The following ZBTB7C variants were observed in gnomAD, a reference collection of about 807,000 sequenced individuals.
ZBTB7C encodes the protein zinc finger and BTB domain containing 7C, also known as zinc finger and BTB domain-containing protein 7C.
A neutral mutation model predicts 25.7 loss-of-function variants in ZBTB7C; 8 were observed. The observed-to-expected ratio is 0.31, with a 90% CI of 0.18 to 0.56. The LOEUF (loss-of-function observed/expected upper bound fraction) is 0.56, where lower values mean the gene tolerates loss of function less well. Ranked by LOEUF, ZBTB7C falls within the 20% of genes least tolerant of loss-of-function variation. The pLI, the probability that ZBTB7C is intolerant of heterozygous loss-of-function variation, is 0.91. For synonymous variants in ZBTB7C, 394 were observed against 369.0 expected (o/e 1.07, Z -0.78); for missense variants, 824 against 855.2 (o/e 0.96, Z 0.46).
intron 3 of ZBTB7C, among the ~76,000 whole-genome samples, chr18:48,117,996 T>G (rs2039499750): frequency 6.8e-6 from 1 of 147,794 alleles, no homozygotes; most frequent in Non-Finnish European, 1.5e-5. Context: ...TTTCTTCTTC[T>G]TCTTCTTTTT....
At chr18:48,241,816 C>A (rs771602917) in intron 2 of ZBTB7C, among the ~76,000 whole-genome samples, 5 of 151,786 alleles carry the variant, frequency 3.3e-5, no homozygotes, top group African/African-American at 4.8e-5. Flanking sequence ...CAAGAAGAAA[C>A]CAAACCCAAA....
intron 2 of ZBTB7C, among the ~76,000 whole-genome samples, chr18:48,305,217 T>TTTGAAATC (rs1233061862): frequency 6.6e-6 from 1 of 152,212 alleles, no homozygotes; most frequent in Non-Finnish European, 1.5e-5. Context: ...TGGGGAACAA[T>TTTGAAATC]TTGAAATCCG....
chr18:48,406,160 C>T (rs2048276630), intron 1 of ZBTB7C, among the ~76,000 whole-genome samples: 1 of 152,162 alleles, frequency 6.6e-6, no homozygotes, highest in African/African-American at 2.4e-5. Flanking sequence ...CAGCCTCAGC[C>T]AGCTGGTCCT....
chr18:48,192,544 A>G (rs2145165351), intron 2 of ZBTB7C, among the ~76,000 whole-genome samples: 1 of 152,334 alleles, frequency 6.6e-6, no homozygotes, highest in Non-Finnish European at 1.5e-5. Context: ...GCTCACTGCA[A>G]CCACCATCTC....
chr18:48,372,708 T>G (rs537631087), intron 1 of ZBTB7C, among the ~76,000 whole-genome samples: 2 of 152,238 alleles, frequency 1.3e-5, no homozygotes, highest in South Asian at 4.2e-4. Flanking sequence ...CTGCCCAGCC[T>G]CCCTCTCTGG....
At chr18:48,034,232 A>C (rs2035875570) in intron 4 of ZBTB7C, among the ~76,000 whole-genome samples, 1 of 151,808 alleles carries the variant, frequency 6.6e-6, no homozygotes, top group Non-Finnish European at 1.5e-5. Flanking sequence ...TGGGCTCTTC[A>C]CAAGCTCACT....
intron 1 of ZBTB7C, 29 bp downstream of exon 1, chr18:48,409,177 TCGCGACCCCGGCAGCCGGCG>T (rs937119633): frequency 6.9e-6 from 1 of 144,978 alleles, no homozygotes; most frequent in Non-Finnish European, 1.5e-5. Context: ...GCTGTGGAGA[TCGCGACCCCGGCAGCCGGCG>T]CCCGAGCCCG....
At chr18:48,037,361 G>C (rs1182333853) in intron 4 of ZBTB7C, among the ~76,000 whole-genome samples, 2 of 152,226 alleles carry the variant, frequency 1.3e-5, no homozygotes, top group South Asian at 2.1e-4. Context: ...TGCAGACAGA[G>C]AGGCCACCCC....
intron 3 of ZBTB7C, among the ~76,000 whole-genome samples, chr18:48,094,475 T>C (rs1228344504): frequency 2.6e-5 from 4 of 152,188 alleles, no homozygotes; most frequent in Non-Finnish European, 2.9e-5. Context: ...ACATTATACA[T>C]TTTAGGATGA....
intron 3 of ZBTB7C, among the ~76,000 whole-genome samples, chr18:48,061,210 G>A (rs2037114206): frequency 6.6e-6 from 1 of 152,182 alleles, no homozygotes; most frequent in African/African-American, 2.4e-5. Flanking sequence ...GTTCAACAGA[G>A]AAAAGGGTCA....
intron 1 of ZBTB7C, among the ~76,000 whole-genome samples, chr18:48,363,492 C>T (rs1239309361): frequency 6.6e-6 from 1 of 151,964 alleles, no homozygotes; most frequent in Non-Finnish European, 1.5e-5. Flanking sequence ...CTCTCGGCAA[C>T]ATGAGTTCAA....
chr18:48,056,152 A>C (rs954862002), intron 3 of ZBTB7C, among the ~76,000 whole-genome samples: 1 of 152,210 alleles, frequency 6.6e-6, no homozygotes, highest in African/African-American at 2.4e-5. Flanking sequence ...AATAGAAACA[A>C]CACCTAGGAA....
chr18:48,064,713 A>C (rs895744556), intron 3 of ZBTB7C, among the ~76,000 whole-genome samples: 1 of 152,214 alleles, frequency 6.6e-6, no homozygotes, highest in Non-Finnish European at 1.5e-5. Context: ...ACTGCACTCT[A>C]GCCTGGGTGA....
At chr18:48,294,470 C>T (rs1440091256) in intron 2 of ZBTB7C, among the ~76,000 whole-genome samples, 2 of 152,128 alleles carry the variant, frequency 1.3e-5, no homozygotes, top group Non-Finnish European at 2.9e-5. Context: ...GCCAGCTCCT[C>T]TGGTGCCAGT....
intron 2 of ZBTB7C, among the ~76,000 whole-genome samples, chr18:48,251,092 C>T (rs140750464): frequency 1.6e-3 from 238 of 152,018 alleles, no homozygotes; most frequent in South Asian, 5.2e-3. Context: ...ATTAGCTGGG[C>T]GTGGTTGTGT....
At chr18:48,318,850 C>T (rs1207774015) in intron 2 of ZBTB7C, among the ~76,000 whole-genome samples, 2 of 152,220 alleles carry the variant, frequency 1.3e-5, no homozygotes, top group Non-Finnish European at 2.9e-5. Flanking sequence ...CAGGCCCCTT[C>T]TTCCCAGAAC....
chr18:48,039,837 C>G, intron 4 of ZBTB7C, 63 bp downstream of exon 4: 1 of 1,559,350 alleles, frequency 6.4e-7, no homozygotes. Context: ...CCTCCCTGCC[C>G]AACTCTGCTG....
At chr18:48,273,380 A>G (rs2044547867) in intron 2 of ZBTB7C, among the ~76,000 whole-genome samples, 1 of 152,182 alleles carries the variant, frequency 6.6e-6, no homozygotes. Flanking sequence ...TAGCAATCCT[A>G]GAAAGAAACT....
intron 1 of ZBTB7C, among the ~76,000 whole-genome samples, chr18:48,386,320 G>A (rs928953306): frequency 5.9e-5 from 9 of 152,234 alleles, no homozygotes; most frequent in Non-Finnish European, 7.3e-5. Context: ...GAAGAGCAGA[G>A]GGCAAATGCT....
Sources: gnomAD v4.1 joint callset for allele counts (sites outside exome capture counted in the v4.1 genomes callset) on GRCh38, gnomAD v4.1.1 for gene constraint, MANE v1.5 for transcripts, NCBI Gene and HGNC (gene_info 2026-07-23, HGNC 2026-07-21) for gene names.